The following SPG11 variants were observed in gnomAD, a reference collection of about 807,000 sequenced individuals.
The protein encoded by SPG11 is spatacsin.
In SPG11, 222 loss-of-function variants were observed where a neutral mutation model predicts 274.0. The ratio of observed to expected loss-of-function variants is 0.81; its 90% CI spans 0.73 to 0.91. The LOEUF (loss-of-function observed/expected upper bound fraction) is 0.91, where lower values mean the gene tolerates loss of function less well. Among genes scored for constraint, SPG11 ranks in the 40% least tolerant of loss-of-function variants. The probability of loss-of-function intolerance (pLI) is 0.00; values close to 1 mark genes in which losing one functional copy is unlikely to be tolerated. For synonymous variants in SPG11, 1,144 were observed against 1,039.7 expected (o/e 1.10, Z -1.93); for missense variants, 3,114 against 2,872.7 (o/e 1.08, Z -1.92).
rs982144910 is a variant in SPG11, at chr15:44,563,007, T to G, written c.*114A>C. Reference sequence around the variant, plus strand: ...ACCTACTACCCACAAAGGACTGATATGGTACAGTACCGGGATTGTTCAACT... The same window carrying G: ...ACCTACTACCCACAAAGGACTGATAGGGTACAGTACCGGGATTGTTCAACT... On this transcript the variant is annotated 3_prime_UTR_variant, in exon 40 of 40. Coordinates refer to ENST00000261866, the MANE Select transcript of SPG11 (RefSeq NM_025137.4). 1.9e-6 allele frequency: 2 copies of G among 1,037,924 alleles called. No individual in the cohort carries two copies. Among genetic ancestry groups the G allele is most frequent in the Non-Finnish European group, 2.9e-6 (2 of 680,582 alleles). 64.3% of individuals were successfully genotyped at this position (1,037,924 alleles called of 1,614,324 possible). A position where few individuals can be genotyped will look rare whatever the true frequency, so the allele number is the denominator to read the frequency against.
Position 44,629,255 on chromosome 15 carries a change from CT to C in SPG11, c.1868del (p.Lys623ArgfsTer10). ...TACCTTCAGTGTGAATGAAAAGCTC[CT>C]TTATTTGGTTGTTAAGGAAAGACAG... Reference protein sequence around the residue: ...LTLSFLNNQIKELFIHTEELD... With the variant: ...LTLSFLNNQIXELFIHTEELD... On this transcript the variant is annotated frameshift_variant, in exon 9 of 40. Coordinates refer to ENST00000261866, the MANE Select transcript of SPG11 (RefSeq NM_025137.4). LOFTEE classifies it high-confidence loss of function. The C allele has an allele frequency of 6.2e-7, 1 of 1,614,044 alleles. No homozygotes were observed. Among genetic ancestry groups the C allele is most frequent in the Non-Finnish European group, 8.5e-7 (1 of 1,179,972 alleles).
chr15:44,638,233 G>A (rs1404066426), intron 7 of SPG11, among the ~76,000 whole-genome samples: 2 of 152,140 alleles, frequency 1.3e-5, no homozygotes, highest in South Asian at 2.1e-4. Flanking sequence ...AGGTCGAGGC[G>A]GGTGGGTCAC....
At chr15:44,602,960 A>G (rs1398709053) in intron 20 of SPG11, among the ~76,000 whole-genome samples, 1 of 152,226 alleles carries the variant, frequency 6.6e-6, no homozygotes, top group Non-Finnish European at 1.5e-5. Flanking sequence ...ATTCATTCAC[A>G]AAAGGTCATT....
At chr15:44,663,273 A>G in intron 1 of SPG11, 118 bp downstream of exon 1, 1 of 1,380,842 alleles carries the variant, frequency 7.2e-7, no homozygotes, top group South Asian at 1.3e-5. Flanking sequence ...TGCAGCTGGC[A>G]CCCTTCTCCC....
intron 13 of SPG11, 39 bp downstream of exon 13, chr15:44,622,181 G>A (rs371152794): frequency 7.5e-6 from 12 of 1,589,838 alleles, no homozygotes; most frequent in South Asian, 6.7e-5. Flanking sequence ...ACTATCTAAC[G>A]GTATTCTAAT....
intron 27 of SPG11, 85 bp downstream of exon 27, chr15:44,592,246 C>T: frequency 2.5e-6 from 2 of 816,254 alleles, no homozygotes; most frequent in East Asian, 5.0e-5. Flanking sequence ...GAGTGAGACA[C>T]CAAGTCTTTA....
chr15:44,638,044 CTAAA>C (rs2084329606), intron 7 of SPG11, among the ~76,000 whole-genome samples: 1 of 152,012 alleles, frequency 6.6e-6, no homozygotes, highest in Admixed American at 6.6e-5. Flanking sequence ...AAAAATGAAC[CTAAA>C]TACATAATAA....
chr15:44,582,436 T>C (rs2082675387), intron 30 of SPG11, among the ~76,000 whole-genome samples: 1 of 152,098 alleles, frequency 6.6e-6, no homozygotes, highest in South Asian at 2.1e-4. Flanking sequence ...TAATCCCAGC[T>C]ATTCGGGAGG....
chr15:44,657,378 A>C (rs1566831881), intron 3 of SPG11, 82 bp from the exon 4 acceptor site: 1 of 1,274,760 alleles, frequency 7.8e-7, no homozygotes, highest in Non-Finnish European at 1.1e-6. Context: ...AGAGCTATAG[A>C]CTTTATCACT....
At chr15:44,571,403 T>C (rs544341948) in intron 33 of SPG11, among the ~76,000 whole-genome samples, 1 of 152,312 alleles carries the variant, frequency 6.6e-6, no homozygotes, top group Non-Finnish European at 1.5e-5. Flanking sequence ...TCCTAGATGC[T>C]TATAGTGTCT....
intron 28 of SPG11, among the ~76,000 whole-genome samples, chr15:44,587,504 C>T (rs767092374): frequency 2.0e-5 from 3 of 151,920 alleles, no homozygotes; most frequent in Non-Finnish European, 2.9e-5. Context: ...AGCTGGGCAA[C>T]GTGGCAAAAC....
intron 15 of SPG11, among the ~76,000 whole-genome samples, chr15:44,618,096 A>T (rs752335242): frequency 4.6e-5 from 7 of 152,240 alleles, no homozygotes; most frequent in Admixed American, 1.3e-4. Context: ...TTTAAAGATC[A>T]ACTTGGTAAG....
intron 17 of SPG11, among the ~76,000 whole-genome samples, chr15:44,611,484 T>C (rs1028586017): frequency 6.6e-6 from 1 of 152,208 alleles, no homozygotes; most frequent in Non-Finnish European, 1.5e-5. Flanking sequence ...AAACTCATCA[T>C]CAAGCATTAG....
rs1205482825 is a variant in SPG11 at position 44,631,803 on chromosome 15, CTTT to C, written c.1735+1699_1735+1701del. Among the ~76,000 whole-genome samples, 5 of 100,460 alleles carry C rather than the reference CTTT, an allele frequency of 5.0e-5. No individual in the cohort carries two copies. In the East Asian group the frequency reaches 8.5e-4, roughly 17 times the overall value. The allele number at this position is 100,460 out of a possible 152,430, so 65.9% of individuals were successfully genotyped here. On this transcript the variant is annotated intron_variant, in intron 8 of 39. Coordinates refer to ENST00000261866, the MANE Select transcript of SPG11 (RefSeq NM_025137.4). ...TATAGGTGTGAGCCACTGCACCCAGCTTTTTTTTTTTTTTTTTTTTTTTGAGAC... is the reference window on the plus strand; with the variant it reads ...TATAGGTGTGAGCCACTGCACCCAGCTTTTTTTTTTTTTTTTTTTTGAGAC...
chr15:44,607,249 C>T (rs879674040), intron 19 of SPG11, among the ~76,000 whole-genome samples: 1 of 152,224 alleles, frequency 6.6e-6, no homozygotes, highest in Non-Finnish European at 1.5e-5. Context: ...TAAGAAGTCT[C>T]TGCATTAGAG....
chr15:44,658,508 G>A (rs1301810130), intron 3 of SPG11, among the ~76,000 whole-genome samples: 2 of 151,540 alleles, frequency 1.3e-5, no homozygotes, highest in African/African-American at 2.4e-5. Flanking sequence ...GCCTAGGCTG[G>A]AGTGCAGTGG....
intron 19 of SPG11, 37 bp from the exon 20 acceptor site, chr15:44,606,128 C>T: frequency 6.3e-7 from 1 of 1,587,354 alleles, no homozygotes. Context: ...ATTAGAAGTT[C>T]ACTGATTATA....
At position 44,566,046 on chromosome 15, in the gene SPG11, A is replaced by T. The variant is rs200604975; in HGVS notation, c.6844-37T>A. ...GGGTGGAGAGGCACAGTAGAGAAAG[A>T]CCTAGTTGTCACCTCCTGTGTGAAC... On this transcript the variant is annotated intron_variant, in intron 37 of 39. Coordinates refer to ENST00000261866, the MANE Select transcript of SPG11 (RefSeq NM_025137.4). 4.3e-6 allele frequency: 7 copies of T among 1,612,368 alleles called. No homozygotes were observed. The Admixed American group carries it at 6.7e-5, about 15-fold the overall frequency.
intron 28 of SPG11, among the ~76,000 whole-genome samples, chr15:44,586,749 G>A (rs569240467): frequency 6.6e-6 from 1 of 152,328 alleles, no homozygotes; most frequent in Non-Finnish European, 1.5e-5. Context: ...TAGAAACACA[G>A]TAGGAAGATT....
Sources: gnomAD v4.1 joint callset for allele counts (sites outside exome capture counted in the v4.1 genomes callset) on GRCh38, gnomAD v4.1.1 for gene constraint, MANE v1.5 for transcripts, NCBI Gene and HGNC (gene_info 2026-07-23, HGNC 2026-07-21) for gene names.